The following CDH12 variants were observed in gnomAD, a reference collection of about 807,000 sequenced individuals.
CDH12 encodes cadherin 12.
CDH12 carries 41 observed loss-of-function variants against 74.1 expected under a neutral mutation model. The ratio of observed to expected loss-of-function variants is 0.55; its 90% CI spans 0.43 to 0.72. CDH12 has a LOEUF of 0.72. Ranked by LOEUF, CDH12 falls within the 30% of genes least tolerant of loss-of-function variation. CDH12 has a pLI of 0.00. For missense variants in CDH12, 945 were observed against 977.2 expected (o/e 0.97, Z 0.44); for synonymous variants, 399 against 355.0 (o/e 1.12, Z -1.39).
intron 1 of CDH12, among the ~76,000 whole-genome samples, chr5:22,586,855 T>C (rs1408307967): frequency 6.7e-6 from 1 of 150,026 alleles, no homozygotes; most frequent in Non-Finnish European, 1.5e-5. Flanking sequence ...TTTTTTTTTT[T>C]TTTTGGAGAA....
At chr5:22,805,609 T>A (rs1033349870) in intron 1 of CDH12, among the ~76,000 whole-genome samples, 5 of 152,180 alleles carry the variant, frequency 3.3e-5, no homozygotes, top group Non-Finnish European at 7.3e-5. Flanking sequence ...TATTTCATAA[T>A]AGTAATCATC....
intron 1 of CDH12, among the ~76,000 whole-genome samples, chr5:22,586,653 C>A (rs1302780830): frequency 6.6e-6 from 1 of 151,760 alleles, no homozygotes; most frequent in Non-Finnish European, 1.5e-5. Flanking sequence ...CTCATTTTCT[C>A]CTTCACACCA....
intron 8 of CDH12, among the ~76,000 whole-genome samples, chr5:21,822,134 A>G (rs1467392360): frequency 6.7e-6 from 1 of 148,440 alleles, no homozygotes; most frequent in Non-Finnish European, 1.5e-5. Flanking sequence ...GTATAACAAT[A>G]TCTACTTTAT....
intron 8 of CDH12, among the ~76,000 whole-genome samples, chr5:21,834,687 A>G (rs1226272960): frequency 3.3e-5 from 5 of 151,886 alleles, no homozygotes; most frequent in Admixed American, 1.3e-4. Flanking sequence ...TTTGTGTATT[A>G]CTATTTAAAA....
intron 1 of CDH12, among the ~76,000 whole-genome samples, chr5:22,646,917 G>T (rs1384320075): frequency 1.3e-5 from 2 of 151,804 alleles, no homozygotes; most frequent in East Asian, 3.9e-4. Context: ...CATTTAATTT[G>T]ATATTTCAAA....
rs371650489 is a variant in CDH12, at chr5:22,225,357, T to G, written c.-332-12714A>C. 5.9e-5 allele frequency among the ~76,000 whole-genome samples: 9 copies of G among 152,242 alleles called. 1 individual carries two copies. Among genetic ancestry groups the G allele is most frequent in the East Asian group, 1.9e-4 (1 of 5,186 alleles). On this transcript the variant is annotated intron_variant, in intron 3 of 14. Coordinates refer to ENST00000382254, the MANE Select transcript of CDH12 (RefSeq NM_004061.5). ...CAGATATAAAGGGAGATAAGTCATT[T>G]TGTGCTTCCCAGTTTTCCAGGCTTT...
chr5:22,419,124 T>C (rs1023531901), intron 2 of CDH12, among the ~76,000 whole-genome samples: 4 of 152,066 alleles, frequency 2.6e-5, no homozygotes, highest in African/African-American at 9.7e-5. Flanking sequence ...GCTGACTTGA[T>C]TGTGGTGGAT....
In CDH12 at chr5:22,073,065, T is replaced by C. The variant is rs547676630; in HGVS notation, c.231+5381A>G. On this transcript the variant is annotated intron_variant, in intron 5 of 14. Coordinates refer to ENST00000382254, the MANE Select transcript of CDH12 (RefSeq NM_004061.5). Reference sequence around the variant, plus strand: ...GTATATGTCTGTAAAGCAATTAAAATTGTGCCCAAAGGAAGCACTCAATAA... The same window carrying C: ...GTATATGTCTGTAAAGCAATTAAAACTGTGCCCAAAGGAAGCACTCAATAA... Among the ~76,000 whole-genome samples the C allele has an allele frequency of 7.2e-5, 11 of 152,092 alleles. No individual in the cohort carries two copies. In the South Asian group the frequency reaches 1.0e-3, roughly 14 times the overall value.
At chr5:22,642,892 A>C (rs1169397744) in intron 1 of CDH12, among the ~76,000 whole-genome samples, 1 of 152,094 alleles carries the variant, frequency 6.6e-6, no homozygotes, top group African/African-American at 2.4e-5. Flanking sequence ...TTACTTTACT[A>C]TTCTGGTTTT....
intron 4 of CDH12, among the ~76,000 whole-genome samples, chr5:22,178,492 A>C (rs1328760088): frequency 6.6e-6 from 1 of 152,224 alleles, no homozygotes; most frequent in Non-Finnish European, 1.5e-5. Flanking sequence ...CTCTTTATGC[A>C]ACAGAGTTTA....
At chr5:21,869,438 T>C (rs1237561802) in intron 6 of CDH12, among the ~76,000 whole-genome samples, 1 of 152,156 alleles carries the variant, frequency 6.6e-6, no homozygotes, top group East Asian at 1.9e-4. Flanking sequence ...ACATGACTAG[T>C]TGTAGAAATG....
intron 1 of CDH12, among the ~76,000 whole-genome samples, chr5:22,793,639 A>C (rs1229504682): frequency 6.6e-6 from 1 of 152,194 alleles, no homozygotes; most frequent in Admixed American, 6.5e-5. Context: ...CTATTTGTCT[A>C]ACATTCTTAT....
intron 8 of CDH12, among the ~76,000 whole-genome samples, chr5:21,837,886 G>GCAGAA (rs1749629473): frequency 6.6e-6 from 1 of 152,072 alleles, no homozygotes; most frequent in Non-Finnish European, 1.5e-5. Flanking sequence ...AATAGTCCAA[G>GCAGAA]TGTTCATGTA....
At chr5:22,269,429 C>T (rs1736283842) in intron 3 of CDH12, among the ~76,000 whole-genome samples, 1 of 152,060 alleles carries the variant, frequency 6.6e-6, no homozygotes, top group Admixed American at 6.6e-5. Context: ...GTTGTATAAT[C>T]TACTTAACCT....
intron 1 of CDH12, among the ~76,000 whole-genome samples, chr5:22,532,672 C>A (rs1737647427): frequency 6.6e-6 from 1 of 151,632 alleles, no homozygotes; most frequent in Admixed American, 6.6e-5. Context: ...TTTTTGATGA[C>A]TTTTGGTTAA....
At chr5:22,208,558 T>A (rs888855378) in intron 4 of CDH12, among the ~76,000 whole-genome samples, 10 of 152,244 alleles carry the variant, frequency 6.6e-5, no homozygotes, top group Non-Finnish European at 1.2e-4. Flanking sequence ...GGCCACTAAC[T>A]GCTGAGGCTC....
At chr5:22,546,886 A>T (rs987708796) in intron 1 of CDH12, among the ~76,000 whole-genome samples, 2 of 152,214 alleles carry the variant, frequency 1.3e-5, no homozygotes, top group South Asian at 2.1e-4. Context: ...TACTTATCTT[A>T]CTGTGATCTC....
At chr5:21,795,706 A>C (rs1006999384) in intron 10 of CDH12, among the ~76,000 whole-genome samples, 1 of 152,014 alleles carries the variant, frequency 6.6e-6, no homozygotes, top group African/African-American at 2.4e-5. Flanking sequence ...AACATTTAAT[A>C]GAAGTTATAC....
chr5:22,594,295 T>C (rs1222556354), intron 1 of CDH12, among the ~76,000 whole-genome samples: 1 of 152,216 alleles, frequency 6.6e-6, no homozygotes, highest in Non-Finnish European at 1.5e-5. Context: ...ATGCCTGTGA[T>C]GGGTATGGCT....
Sources: gnomAD v4.1 joint callset for allele counts (sites outside exome capture counted in the v4.1 genomes callset) on GRCh38, gnomAD v4.1.1 for gene constraint, MANE v1.5 for transcripts, NCBI Gene and HGNC (gene_info 2026-07-23, HGNC 2026-07-21) for gene names.